The following RAP1A variants were observed in gnomAD, a reference collection of about 807,000 sequenced individuals.
The protein encoded by RAP1A is RAP1A, member of RAS oncogene family.
Under a neutral mutation model 26.4 loss-of-function variants are expected in RAP1A, and 6 were observed. The observed-to-expected ratio is 0.23, with a 90% CI of 0.12 to 0.45. RAP1A has a LOEUF of 0.45. Ranked by LOEUF, RAP1A falls within the 20% of genes least tolerant of loss-of-function variation. The probability of loss-of-function intolerance (pLI) is 0.99; values close to 1 mark genes in which losing one functional copy is unlikely to be tolerated. For missense variants in RAP1A, 121 were observed against 217.2 expected, an observed-to-expected ratio of 0.56 and a Z score of 2.78; for synonymous variants, 73 against 79.4, an observed-to-expected ratio of 0.92 and a Z score of 0.43.
chr1:111,575,165 T>C (rs573459727), intron 1 of RAP1A, among the ~76,000 whole-genome samples: 1 of 152,242 alleles, frequency 6.6e-6, no homozygotes, highest in African/African-American at 2.4e-5. Flanking sequence ...CTTTTTTTTT[T>C]TGAGATAGAG....
At chr1:111,559,075 T>TA (rs1243835281) in intron 1 of RAP1A, among the ~76,000 whole-genome samples, 1 of 152,136 alleles carries the variant, frequency 6.6e-6, no homozygotes, top group Non-Finnish European at 1.5e-5. Flanking sequence ...AGATAATTTT[T>TA]AAAAAACATG....
At chr1:111,704,861 T>C (rs773370435) in intron 6 of RAP1A, among the ~76,000 whole-genome samples, 1 of 152,228 alleles carries the variant, frequency 6.6e-6, no homozygotes, top group African/African-American at 2.4e-5. Context: ...GAAAATAATA[T>C]GTTTTTATGG....
chr1:111,567,706 CT>C (rs1195010833), intron 1 of RAP1A, among the ~76,000 whole-genome samples: 1 of 152,160 alleles, frequency 6.6e-6, no homozygotes, highest in East Asian at 1.9e-4. Flanking sequence ...CACTCTTACT[CT>C]TTCTCTATCT....
chr1:111,709,614 T>C (rs1368631682), intron 7 of RAP1A, among the ~76,000 whole-genome samples: 1 of 152,154 alleles, frequency 6.6e-6, no homozygotes, highest in Non-Finnish European at 1.5e-5. Flanking sequence ...TCTGAAAAAG[T>C]TTAAGTGCAC....
intron 1 of RAP1A, among the ~76,000 whole-genome samples, chr1:111,603,770 C>G (rs1658715828): frequency 6.6e-6 from 1 of 152,106 alleles, no homozygotes; most frequent in Non-Finnish European, 1.5e-5. Flanking sequence ...TAAGGGGGTA[C>G]TATCTAGCTT....
At chr1:111,622,558 C>A (rs947403426) in intron 1 of RAP1A, among the ~76,000 whole-genome samples, 2 of 152,192 alleles carry the variant, frequency 1.3e-5, no homozygotes, top group African/African-American at 4.8e-5. Context: ...ATCCTCTCAC[C>A]CTACCTTATA....
At chr1:111,695,899 A>G (rs1488000770) in intron 3 of RAP1A, among the ~76,000 whole-genome samples, 2 of 152,204 alleles carry the variant, frequency 1.3e-5, no homozygotes, top group African/African-American at 4.8e-5. Flanking sequence ...GCCAAAAGAA[A>G]ATCCTAATGT....
At chr1:111,577,959 C>T (rs562504346) in intron 1 of RAP1A, among the ~76,000 whole-genome samples, 137 of 152,176 alleles carry the variant, frequency 9.0e-4, no homozygotes, top group African/African-American at 3.0e-3. Context: ...AGTCTTTGCA[C>T]GTAAAGGAGT....
chr1:111,577,690 TC>T (rs531984438), intron 1 of RAP1A, among the ~76,000 whole-genome samples: 250 of 152,280 alleles, frequency 1.6e-3, no homozygotes, highest in African/African-American at 5.7e-3. Context: ...AGTCTCAATT[TC>T]CCAAATTTAA....
intron 1 of RAP1A, among the ~76,000 whole-genome samples, chr1:111,681,534 A>G (rs1340358291): frequency 2.6e-5 from 4 of 152,226 alleles, no homozygotes; most frequent in African/African-American, 9.6e-5. Context: ...AAAACATAGC[A>G]CGAGAACTTT....
chr1:111,650,773 AATG>A (rs1341559558), intron 1 of RAP1A, among the ~76,000 whole-genome samples: 1 of 152,052 alleles, frequency 6.6e-6, no homozygotes, highest in Non-Finnish European at 1.5e-5. Context: ...ACAAATGTAA[AATG>A]ATGTGTGTCC....
intron 1 of RAP1A, among the ~76,000 whole-genome samples, chr1:111,554,487 T>C (rs1657401574): frequency 6.6e-6 from 1 of 152,238 alleles, no homozygotes. Flanking sequence ...ATCCAGAGCA[T>C]TTGTTTCAGT....
At chr1:111,685,824 C>T (rs1356950800) in intron 1 of RAP1A, among the ~76,000 whole-genome samples, 1 of 152,182 alleles carries the variant, frequency 6.6e-6, no homozygotes, top group Non-Finnish European at 1.5e-5. Flanking sequence ...CACATGCACA[C>T]ATATGTTTAT....
chr1:111,566,885 A>AG, intron 1 of RAP1A, among the ~76,000 whole-genome samples: 1 of 118,288 alleles, frequency 8.5e-6, no homozygotes, highest in African/African-American at 3.2e-5. Context: ...TTTTTTTTGG[A>AG]GGGGGGAGGA....
chr1:111,678,700 C>T lies in RAP1A; in HGVS notation c.-27-12634C>T, dbSNP rs976532428. Among the ~76,000 whole-genome samples the T allele has an allele frequency of 6.0e-5, 9 of 151,182 alleles. No individual in the cohort carries two copies. The East Asian group carries it at 1.4e-3, about 23-fold the overall frequency. On this transcript the variant is annotated intron_variant, in intron 1 of 7. Transcript: ENST00000369709. ...TTATTATAATCTATAAGACCACCAC[C>T]GTATATGTAATAGAGTCTGTTGACT...
At chr1:111,606,934 TC>T (rs1658796025) in intron 1 of RAP1A, among the ~76,000 whole-genome samples, 1 of 152,230 alleles carries the variant, frequency 6.6e-6, no homozygotes, top group African/African-American at 2.4e-5. Context: ...CTAATGTTTT[TC>T]TATTTAATGA....
intron 1 of RAP1A, among the ~76,000 whole-genome samples, chr1:111,673,947 G>A (rs575441661): frequency 6.6e-6 from 1 of 152,254 alleles, no homozygotes; most frequent in African/African-American, 2.4e-5. Flanking sequence ...TGTGAAAAAT[G>A]GCTTTGGAAC....
chr1:111,563,972 T>C (rs1657852106), intron 1 of RAP1A: 2 of 1,578,426 alleles, frequency 1.3e-6, no homozygotes, highest in African/African-American at 2.7e-5. Context: ...TGGTGGTCTC[T>C]ACCAACTGCC....
chr1:111,645,202 G>A (rs1660027040), intron 1 of RAP1A, among the ~76,000 whole-genome samples: 1 of 152,228 alleles, frequency 6.6e-6, no homozygotes, highest in Admixed American at 6.5e-5. Context: ...GGGGAGTACA[G>A]TCAAGTATGA....
Sources: allele counts gnomAD v4.1 joint callset (sites outside exome capture counted in the v4.1 genomes callset), GRCh38; gene constraint gnomAD v4.1.1; transcripts MANE v1.5; gene names NCBI Gene and HGNC (gene_info 2026-07-23, HGNC 2026-07-21).